Variants in STAC observed in about 807,000 individuals in gnomAD.
STAC encodes the protein SH3 and cysteine-rich domain-containing protein.
In STAC, 43 loss-of-function variants were observed where a neutral mutation model predicts 48.8. The observed-to-expected ratio is 0.88, with a 90% CI of 0.69 to 1.14. STAC has a LOEUF of 1.14. STAC is among the 50% of genes most tolerant of loss of function. STAC has a pLI of 0.00. For synonymous variants in STAC, 193 were observed against 179.5 expected (o/e 1.07, Z -0.60); for missense variants, 497 against 504.0 (o/e 0.99, Z 0.13).
intron 2 of STAC, among the ~76,000 whole-genome samples, chr3:36,461,245 G>A (rs1261768229): frequency 1.3e-5 from 2 of 152,306 alleles, no homozygotes; most frequent in Middle Eastern, 3.4e-3. Flanking sequence ...AGAACCACTT[G>A]AAAATTGGCA....
At chr3:36,517,155 A>G (rs1387956925) in intron 8 of STAC, among the ~76,000 whole-genome samples, 3 of 152,136 alleles carry the variant, frequency 2.0e-5, no homozygotes, top group African/African-American at 7.2e-5. Context: ...ATTGCTGACA[A>G]TTTGAGGCCT....
At chr3:36,393,628 T>A (rs1318201377) in intron 1 of STAC, among the ~76,000 whole-genome samples, 1 of 150,750 alleles carries the variant, frequency 6.6e-6, no homozygotes, top group Non-Finnish European at 1.5e-5. Context: ...AGCTTCATGA[T>A]GCAATTGGTG....
At chr3:36,404,215 C>T (rs1700049936) in intron 1 of STAC, among the ~76,000 whole-genome samples, 1 of 152,174 alleles carries the variant, frequency 6.6e-6, no homozygotes, top group Admixed American at 6.5e-5. Flanking sequence ...GTAAAGATGT[C>T]AATCACCCTA....
At chr3:36,441,567 T>C (rs1333092681) in intron 1 of STAC, among the ~76,000 whole-genome samples, 1 of 152,200 alleles carries the variant, frequency 6.6e-6, no homozygotes, top group Non-Finnish European at 1.5e-5. Context: ...GGGGTGCAGA[T>C]GTCTCCTCAG....
At chr3:36,545,759 G>C (rs571855297) in intron 10 of STAC, among the ~76,000 whole-genome samples, 1 of 152,270 alleles carries the variant, frequency 6.6e-6, no homozygotes, top group African/African-American at 2.4e-5. Context: ...TATATGAGGT[G>C]CATATAAAAT....
intron 8 of STAC, among the ~76,000 whole-genome samples, chr3:36,521,576 G>A (rs146339044): frequency 3.5e-4 from 53 of 152,206 alleles, no homozygotes; most frequent in Non-Finnish European, 3.5e-4. Flanking sequence ...ATGAAGAGAG[G>A]GAGAAGGTTT....
chr3:36,530,362 G>A (rs968337608), intron 10 of STAC, among the ~76,000 whole-genome samples: 6 of 152,024 alleles, frequency 3.9e-5, no homozygotes, highest in African/African-American at 1.2e-4. Context: ...CAGAGTTGCC[G>A]AAAACACATC....
At chr3:36,402,434 C>T (rs1575177103) in intron 1 of STAC, among the ~76,000 whole-genome samples, 1 of 151,946 alleles carries the variant, frequency 6.6e-6, no homozygotes, top group African/African-American at 2.4e-5. Context: ...TCTGTTTAAT[C>T]ATCACAACAA....
chr3:36,504,503 A>G (rs1016286180), intron 7 of STAC, 46 bp downstream of exon 7: 21 of 1,565,142 alleles, frequency 1.3e-5, no homozygotes, highest in Non-Finnish European at 1.7e-5. Context: ...GAGTCCTTAG[A>G]TAGACCTGCA....
In STAC at chr3:36,493,228, C is replaced by A. The variant is rs377372947; in HGVS notation, c.765C>A (p.Ser255Arg). The A allele has an allele frequency of 1.2e-6, 2 of 1,612,700 alleles. No individual in the cohort carries two copies. Among genetic ancestry groups the A allele is most frequent in the South Asian group, 1.1e-5 (1 of 91,034 alleles). The change falls in exon 6 of 11, where the codon AGC becomes AGA. Residue 255 changes from serine (S) to arginine (R), a missense_variant and splice_region_variant. Ser to Arg is a moderately radical substitution (Grantham distance 110). Coordinates refer to ENST00000273183, the MANE Select transcript of STAC (RefSeq NM_003149.3). ...ATGACCTAAGGAAACGCAGCAACAG[C>A]GGTGAGTGAGGGAGTTGGCACAGCA... Reference protein sequence around the residue: ...GGYDLRKRSNSVFTYPENGTD... With the variant: ...GGYDLRKRSNRVFTYPENGTD...
intron 2 of STAC, among the ~76,000 whole-genome samples, chr3:36,475,149 T>A (rs1397162044): frequency 6.6e-6 from 1 of 152,188 alleles, no homozygotes; most frequent in Non-Finnish European, 1.5e-5. Context: ...GCTCAGTGGC[T>A]TCATTTGGTT....
At chr3:36,436,494 G>A (rs1019344205) in intron 1 of STAC, among the ~76,000 whole-genome samples, 9 of 152,120 alleles carry the variant, frequency 5.9e-5, no homozygotes, top group Admixed American at 2.0e-4. Flanking sequence ...TTAACCAGAC[G>A]CACCGACCTC....
chr3:36,474,606 G>A (rs1380935606), intron 2 of STAC, among the ~76,000 whole-genome samples: 1 of 152,040 alleles, frequency 6.6e-6, no homozygotes, highest in Non-Finnish European at 1.5e-5. Context: ...GCATATTGTT[G>A]GGCCTTCATA....
intron 2 of STAC, among the ~76,000 whole-genome samples, chr3:36,481,659 A>G (rs1697650520): frequency 6.6e-6 from 1 of 152,190 alleles, no homozygotes; most frequent in South Asian, 2.1e-4. Flanking sequence ...ATAGCATTCT[A>G]CATAATCCAT....
rs768851881 is a variant in STAC, at chr3:36,380,746, G to C, written c.103G>C (p.Glu35Gln). 1 of 1,610,874 alleles carries C rather than the reference G, an allele frequency of 6.2e-7. No individual in the cohort carries two copies. ...PPSPASTSSQ[E>Q]SKLQKLKRSL... ...CTCTCCTGCATCCACCAGCAGCCAG[G>C]AATCCAAGGTACCGAGCACGCTTGC... The change falls in exon 1 of 11, where the codon GAA becomes CAA. Residue 35 changes from glutamate (E) to glutamine (Q), a missense_variant. Transcript: ENST00000273183.
intron 1 of STAC, among the ~76,000 whole-genome samples, chr3:36,441,721 C>A (rs1270009051): frequency 4.6e-5 from 7 of 152,162 alleles, no homozygotes; most frequent in Non-Finnish European, 1.0e-4. Context: ...AACAAAATGT[C>A]TATGAGTTCC....
intron 2 of STAC, among the ~76,000 whole-genome samples, chr3:36,478,481 A>G (rs1362928819): frequency 6.6e-6 from 1 of 152,098 alleles, no homozygotes; most frequent in Admixed American, 6.5e-5. Flanking sequence ...AGGTATCAAT[A>G]AACTTTTATT....
At chr3:36,413,417 A>G (rs1397140871) in intron 1 of STAC, among the ~76,000 whole-genome samples, 1 of 152,082 alleles carries the variant, frequency 6.6e-6, no homozygotes, top group African/African-American at 2.4e-5. Flanking sequence ...TGATCCCTTT[A>G]CCATTATGTA....
chr3:36,433,586 T>C (rs1288478323), intron 1 of STAC, among the ~76,000 whole-genome samples: 3 of 152,234 alleles, frequency 2.0e-5, no homozygotes, highest in African/African-American at 7.2e-5. Flanking sequence ...ATAGGGCTTG[T>C]GTCACCCTCA....
Sources: gnomAD v4.1 joint callset for allele counts (sites outside exome capture counted in the v4.1 genomes callset) on GRCh38, gnomAD v4.1.1 for gene constraint, MANE v1.5 for transcripts, NCBI Gene and HGNC (gene_info 2026-07-23, HGNC 2026-07-21) for gene names.